The following NAALADL2 variants were observed in gnomAD, a reference collection of about 807,000 sequenced individuals.
NAALADL2 encodes inactive N-acetylated-alpha-linked acidic dipeptidase-like protein 2.
In NAALADL2, 76 loss-of-function variants were observed where a neutral mutation model predicts 87.2. The ratio of observed to expected loss-of-function variants is 0.87; its 90% confidence interval spans 0.72 to 1.05. NAALADL2 has a LOEUF of 1.05. Ranked by LOEUF, NAALADL2 falls within the 50% of genes least tolerant of loss-of-function variation. NAALADL2 has a pLI of 0.00. For synonymous variants in NAALADL2, 354 were observed against 331.0 expected (o/e 1.07, Z -0.75); for missense variants, 1,089 against 945.8 (o/e 1.15, Z -1.99).
chr3:174,704,365 T>C (rs1281022961), intron 2 of NAALADL2, among the ~76,000 whole-genome samples: 1 of 152,190 alleles, frequency 6.6e-6, no homozygotes, highest in African/African-American at 2.4e-5. Context: ...TCTATTACAA[T>C]TGGTGACAAA....
chr3:174,892,092 A>G (rs574649606), intron 1 of NAALADL2, among the ~76,000 whole-genome samples: 1 of 152,148 alleles, frequency 6.6e-6, no homozygotes, highest in African/African-American at 2.4e-5. Context: ...AAGTTTTCCC[A>G]AGAAGAACAG....
intron 1 of NAALADL2, among the ~76,000 whole-genome samples, chr3:174,457,295 T>C (rs1165996598): frequency 1.3e-5 from 2 of 152,170 alleles, no homozygotes; most frequent in East Asian, 3.9e-4. Flanking sequence ...AACAGTGTGG[T>C]GATTCCTCAA....
intron 2 of NAALADL2, among the ~76,000 whole-genome samples, chr3:174,654,908 T>G (rs1203484811): frequency 6.6e-6 from 1 of 152,082 alleles, no homozygotes; most frequent in Non-Finnish European, 1.5e-5. Context: ...CCTAATTTTT[T>G]GTATTTTTAG....
chr3:174,847,962 GTCTTC>G (rs1318885851), intron 3 of NAALADL2, among the ~76,000 whole-genome samples: 1 of 150,302 alleles, frequency 6.7e-6, no homozygotes, highest in Non-Finnish European at 1.5e-5. Context: ...CTCTAATAAT[GTCTTC>G]AATGATTGTG....
chr3:175,343,457 A>G (rs1384735147), intron 5 of NAALADL2, among the ~76,000 whole-genome samples: 1 of 151,982 alleles, frequency 6.6e-6, no homozygotes, highest in East Asian at 1.9e-4. Flanking sequence ...AACTTTCTGA[A>G]TTGTGTTGAT....
At chr3:175,550,769 A>T (rs1045275281) in intron 9 of NAALADL2, among the ~76,000 whole-genome samples, 7 of 152,188 alleles carry the variant, frequency 4.6e-5, no homozygotes, top group African/African-American at 7.2e-5. Flanking sequence ...TGGAGGGGGA[A>T]CTTCCAATAA....
At chr3:175,735,081 G>T (rs1039423513) in intron 11 of NAALADL2, among the ~76,000 whole-genome samples, 2 of 152,112 alleles carry the variant, frequency 1.3e-5, no homozygotes, top group Non-Finnish European at 2.9e-5. Context: ...CTGCTACTTA[G>T]AAATTTCTTC....
rs180826865 is a variant in NAALADL2 at position 174,930,947 on chromosome 3, G to A, written c.43+71497G>A. On this transcript the variant is annotated intron_variant, in intron 1 of 13. Coordinates refer to ENST00000454872, the MANE Select transcript of NAALADL2 (RefSeq NM_207015.3). ...AAGATGAACATTTTAAATGCTATTT[G>A]TATATATCCCATATTATGATTGAAC... Among the ~76,000 whole-genome samples the A allele has an allele frequency of 5.6e-3, 858 of 151,948 alleles. 4 individuals are homozygous for A. Among genetic ancestry groups the A allele is most frequent in the Middle Eastern group, 0.014 (4 of 292 alleles).
chr3:175,235,379 C>T (rs1363974832), intron 3 of NAALADL2: 1 of 152,046 alleles, frequency 6.6e-6, no homozygotes, highest in African/African-American at 2.4e-5. Flanking sequence ...ACTATTACCA[C>T]CTTGAAATGT....
chr3:175,426,009 CAGAG>C (rs1320318875), intron 5 of NAALADL2, among the ~76,000 whole-genome samples: 1 of 152,046 alleles, frequency 6.6e-6, no homozygotes, highest in African/African-American at 2.4e-5. Context: ...TGGAGTCTGT[CAGAG>C]AGAACTGAAA....
chr3:175,308,519 A>C (rs1171926242), intron 4 of NAALADL2, among the ~76,000 whole-genome samples: 1 of 152,204 alleles, frequency 6.6e-6, no homozygotes, highest in Non-Finnish European at 1.5e-5. Flanking sequence ...AAACCCTTAG[A>C]TGTCTGTGAT....
chr3:175,663,199 C>T (rs1167858048), intron 11 of NAALADL2, among the ~76,000 whole-genome samples: 2 of 151,324 alleles, frequency 1.3e-5, no homozygotes, highest in East Asian at 1.9e-4. Context: ...AGTGGGGAGA[C>T]ATTTTACTAC....
At chr3:175,218,146 G>T in intron 2 of NAALADL2, 1 of 441,900 alleles carries the variant, frequency 2.3e-6, no homozygotes, top group South Asian at 1.6e-5. Flanking sequence ...TTATTTATAA[G>T]CCAATATCTC....
chr3:175,744,482 T>C (rs1377006298), intron 12 of NAALADL2, among the ~76,000 whole-genome samples: 1 of 152,172 alleles, frequency 6.6e-6, no homozygotes, highest in East Asian at 1.9e-4. Context: ...GATGTACCCA[T>C]ATTAGAAAAA....
chr3:174,621,588 A>G (rs1399966642), intron 2 of NAALADL2, among the ~76,000 whole-genome samples: 5 of 152,130 alleles, frequency 3.3e-5, no homozygotes, highest in African/African-American at 1.2e-4. Context: ...GGCATTATAG[A>G]AAAGATCACT....
At chr3:174,770,460 G>T (rs566882385) in intron 3 of NAALADL2, among the ~76,000 whole-genome samples, 1 of 152,240 alleles carries the variant, frequency 6.6e-6, no homozygotes, top group African/African-American at 2.4e-5. Flanking sequence ...TCTTTTATAG[G>T]TTAATTGATT....
chr3:175,194,310 A>G (rs1738663221), intron 2 of NAALADL2, among the ~76,000 whole-genome samples: 1 of 151,810 alleles, frequency 6.6e-6, no homozygotes, highest in African/African-American at 2.4e-5. Context: ...TCCTGCAAGT[A>G]TTTGACAGAA....
At chr3:175,305,185 C>G (rs1757543985) in intron 4 of NAALADL2, among the ~76,000 whole-genome samples, 1 of 151,754 alleles carries the variant, frequency 6.6e-6, no homozygotes, top group South Asian at 2.1e-4. Flanking sequence ...CAAGGTTCCC[C>G]TTGTGGCCAC....
chr3:174,786,478 TG>T (rs1338597894), intron 3 of NAALADL2, among the ~76,000 whole-genome samples: 12 of 134,790 alleles, frequency 8.9e-5, no homozygotes, highest in Admixed American at 7.6e-4. Flanking sequence ...AATAAATAAA[TG>T]AAAAGGAGAA....
Sources: gnomAD v4.1 joint callset for allele counts (sites outside exome capture counted in the v4.1 genomes callset) on GRCh38, gnomAD v4.1.1 for gene constraint, MANE v1.5 for transcripts, NCBI Gene and HGNC (gene_info 2026-07-23, HGNC 2026-07-21) for gene names.